The following ASIC2 variants were observed in gnomAD, a reference collection of about 807,000 sequenced individuals.
ASIC2 encodes the protein acid-sensing ion channel 2.
ASIC2 carries 25 observed loss-of-function variants against 57.3 expected under a neutral mutation model. The ratio of observed to expected loss-of-function variants is 0.44; its 90% CI spans 0.32 to 0.61. ASIC2 has a LOEUF of 0.61. ASIC2 is among the 20% of genes least tolerant of loss of function. ASIC2 has a pLI of 0.06. For missense variants in ASIC2, 641 were observed against 738.1 expected (o/e 0.87, Z 1.52); for synonymous variants, 319 against 307.5 (o/e 1.04, Z -0.39).
chr17:34,108,583 G>A lies in ASIC2; in HGVS notation c.555+47395C>T, dbSNP rs527648543. 7.2e-5 allele frequency among the ~76,000 whole-genome samples: 11 copies of A among 152,090 alleles called. No homozygotes were observed. The South Asian group carries it at 1.2e-3, about 17-fold the overall frequency. On this transcript the variant is annotated intron_variant, in intron 1 of 9. Transcript: ENST00000359872. ...TGGTGTATCGTGGTGAACACTCCTC[G>A]TACATTTGAAAACATTTTGCAGTTA...
intron 1 of ASIC2, among the ~76,000 whole-genome samples, chr17:33,671,852 G>C (rs187102622): frequency 2.6e-5 from 4 of 151,994 alleles, no homozygotes; most frequent in South Asian, 2.1e-4. Flanking sequence ...ATTCTTTAAC[G>C]CTAATGAAAC....
upstream of ASIC2, among the ~76,000 whole-genome samples, chr17:33,298,132 A>G (rs140034274): frequency 0.014 from 2,150 of 151,498 alleles, 44 homozygotes; most frequent in African/African-American, 0.05. Context: ...TATTTATATT[A>G]TACTTTAAGT....
intron 1 of ASIC2, among the ~76,000 whole-genome samples, chr17:33,201,050 G>T (rs72819141): frequency 0.16 from 24,908 of 151,988 alleles, 2,579 homozygotes; most frequent in South Asian, 0.34. Context: ...TTCTCGGAGA[G>T]ACCTCCTCTG....
intron 1 of ASIC2, among the ~76,000 whole-genome samples, chr17:33,437,950 G>A (rs562662369): frequency 2.0e-5 from 3 of 152,058 alleles, no homozygotes; most frequent in Non-Finnish European, 4.4e-5. Context: ...TAAACTACAG[G>A]CTTTTATTAG....
chr17:33,386,235 C>T (rs1226775989), intron 1 of ASIC2, among the ~76,000 whole-genome samples: 1 of 152,136 alleles, frequency 6.6e-6, no homozygotes, highest in Non-Finnish European at 1.5e-5. Flanking sequence ...TTTATCTCCA[C>T]CCTTGACCTC....
At chr17:33,240,254 C>A (rs1243150128) in intron 1 of ASIC2, among the ~76,000 whole-genome samples, 5 of 152,148 alleles carry the variant, frequency 3.3e-5, no homozygotes, top group African/African-American at 4.8e-5. Flanking sequence ...CACTGCCTCC[C>A]CTACTTCATT....
intron 1 of ASIC2, among the ~76,000 whole-genome samples, chr17:33,978,677 A>C (rs888832323): frequency 2.6e-5 from 4 of 152,100 alleles, no homozygotes; most frequent in Non-Finnish European, 4.4e-5. Context: ...GGGAGAGTCG[A>C]GTCAAGGCCA....
rs138883076 is a variant in ASIC2 at position 33,167,080 on chromosome 17, A to G, written c.709-55013T>C. 2.6e-4 allele frequency among the ~76,000 whole-genome samples: 40 copies of G among 152,324 alleles called. No individual in the cohort carries two copies. In the East Asian group the frequency reaches 7.5e-3, roughly 29 times the overall value. ...CCCCCTACAGAGCTTGGCACACAGT[A>G]GGTACACACTGACTGATCATATGTT... On this transcript the variant is annotated intron_variant, in intron 1 of 9. Transcript: ENST00000225823.
At chr17:33,435,363 A>G (rs537280672) in intron 1 of ASIC2, among the ~76,000 whole-genome samples, 1 of 152,364 alleles carries the variant, frequency 6.6e-6, no homozygotes, top group East Asian at 1.9e-4. Context: ...AGAAATCACC[A>G]AAAACCACCA....
intron 1 of ASIC2, among the ~76,000 whole-genome samples, chr17:33,373,680 T>C (rs1311431767): frequency 1.2e-4 from 11 of 95,346 alleles, no homozygotes; most frequent in Non-Finnish European, 4.4e-5. Flanking sequence ...AGATTGGTCT[T>C]TTTTTTCTCT....
chr17:34,086,584 T>TG (rs1264297530), intron 1 of ASIC2, among the ~76,000 whole-genome samples: 1 of 152,206 alleles, frequency 6.6e-6, no homozygotes, highest in Non-Finnish European at 1.5e-5. Context: ...GTTCAATTCC[T>TG]GGGTATCCTT....
At chr17:33,449,628 A>C (rs1036406996) in intron 1 of ASIC2, among the ~76,000 whole-genome samples, 1 of 152,172 alleles carries the variant, frequency 6.6e-6, no homozygotes, top group African/African-American at 2.4e-5. Context: ...ACCACCCTTT[A>C]GTATAAAAAA....
Position 33,886,514 on chromosome 17 carries a change from C to A in ASIC2, c.555+269464G>T, listed in dbSNP as rs528822655. Reference sequence around the variant, plus strand: ...CATGCAATCCTCATTCAAACACACACACATATACACACACACATGCCCATG... The same window carrying A: ...CATGCAATCCTCATTCAAACACACAAACATATACACACACACATGCCCATG... On this transcript the variant is annotated intron_variant, in intron 1 of 9. Transcript: ENST00000359872. Among the ~76,000 whole-genome samples the A allele has an allele frequency of 2.0e-5, 3 of 152,264 alleles. No individual in the cohort carries two copies. In the South Asian group the frequency reaches 6.2e-4, roughly 32 times the overall value.
chr17:33,016,052 C>G lies in ASIC2; in HGVS notation c.1522-13G>C. On this transcript the variant is annotated splice_polypyrimidine_tract_variant and intron_variant, in intron 8 of 9. Transcript: ENST00000225823. Reference sequence around the variant, plus strand: ...TCTCTTTGATCAGCTGCAAGAAAAGCAGGAAGGGGTTGGTCAGGCCGGGAA... The same window carrying G: ...TCTCTTTGATCAGCTGCAAGAAAAGGAGGAAGGGGTTGGTCAGGCCGGGAA... The G allele has an allele frequency of 6.2e-7, 1 of 1,613,492 alleles. No homozygotes were observed. The highest frequency in any genetic ancestry group is 8.5e-7 in the Non-Finnish European group (1 of 1,179,782).
At chr17:33,998,611 TA>T (rs779520356) in intron 1 of ASIC2, among the ~76,000 whole-genome samples, 1 of 152,200 alleles carries the variant, frequency 6.6e-6, no homozygotes, top group African/African-American at 2.4e-5. Context: ...TTTCCCATTT[TA>T]TTTCTTCTTT....
At chr17:33,019,859 A>T (rs2091827799) in intron 7 of ASIC2, among the ~76,000 whole-genome samples, 1 of 150,302 alleles carries the variant, frequency 6.7e-6, no homozygotes, top group Admixed American at 6.6e-5. Flanking sequence ...AGAGAGAGAA[A>T]GAAAGAGACG....
chr17:33,416,242 A>G (rs1429577676), intron 1 of ASIC2, among the ~76,000 whole-genome samples: 1 of 152,228 alleles, frequency 6.6e-6, no homozygotes, highest in Non-Finnish European at 1.5e-5. Context: ...CTAAAACCAC[A>G]TGGATTTGGA....
chr17:33,613,119 C>T (rs913635195), intron 1 of ASIC2, among the ~76,000 whole-genome samples: 3 of 151,932 alleles, frequency 2.0e-5, no homozygotes, highest in Non-Finnish European at 4.4e-5. Flanking sequence ...CACTAGTGTG[C>T]GAATATGTTG....
intron 1 of ASIC2, among the ~76,000 whole-genome samples, chr17:33,395,414 T>A (rs1029118222): frequency 6.6e-6 from 1 of 152,142 alleles, no homozygotes; most frequent in Admixed American, 6.5e-5. Flanking sequence ...GGCAGAAAGA[T>A]CTTGTGCAGG....
Sources: allele counts gnomAD v4.1 joint callset (sites outside exome capture counted in the v4.1 genomes callset), GRCh38; gene constraint gnomAD v4.1.1; transcripts MANE v1.5; gene names NCBI Gene and HGNC (gene_info 2026-07-23, HGNC 2026-07-21).